TNFRSF19: variants seen among roughly 807,000 people sequenced by gnomAD.
TNFRSF19 encodes tumor necrosis factor receptor superfamily member 19.
In TNFRSF19, 27 loss-of-function variants were observed where a neutral mutation model predicts 46.4. That is an observed-to-expected ratio of 0.58 (90% CI 0.43 to 0.80). The LOEUF (loss-of-function observed/expected upper bound fraction) is 0.80, where lower values mean the gene tolerates loss of function less well. TNFRSF19 is among the 30% of genes least tolerant of loss of function. TNFRSF19 has a pLI of 0.00. For missense variants in TNFRSF19, 511 were observed against 530.8 expected (o/e 0.96, Z 0.37); for synonymous variants, 204 against 205.0 (o/e 1.00, Z 0.04).
At chr13:23,599,376 GT>G (rs968549471) in intron 3 of TNFRSF19, among the ~76,000 whole-genome samples, 3 of 152,212 alleles carry the variant, frequency 2.0e-5, no homozygotes, top group African/African-American at 2.4e-5. Flanking sequence ...CCAAAAATGT[GT>G]GACCAGTGGC....
chr13:23,572,207 CATT>C (rs1055168824), intron 1 of TNFRSF19, among the ~76,000 whole-genome samples: 1 of 152,070 alleles, frequency 6.6e-6, no homozygotes, highest in Non-Finnish European at 1.5e-5. Context: ...TAAAGTGTGT[CATT>C]AATAACTTAA....
chr13:23,667,855 T>C, intron 7 of TNFRSF19, 125 bp from the exon 8 acceptor site: 1 of 738,022 alleles, frequency 1.4e-6, no homozygotes. Flanking sequence ...AACCTTGTAT[T>C]CCTTTTCCCC....
At chr13:23,606,359 TAAA>T (rs10710338) in intron 3 of TNFRSF19, among the ~76,000 whole-genome samples, 10 of 151,466 alleles carry the variant, frequency 6.6e-5, no homozygotes, top group East Asian at 5.8e-4. Flanking sequence ...ATAATTTTTT[TAAA>T]AAAAAAGACC....
rs903521199 is a variant in TNFRSF19, at chr13:23,593,263, T to C, written c.70-82T>C. ...TTACATTCAGTGATTGTGTGACTAATATTGAAAATATTGTTCCTTTCTTGC... is the reference window on the plus strand; with the variant it reads ...TTACATTCAGTGATTGTGTGACTAACATTGAAAATATTGTTCCTTTCTTGC... On this transcript the variant is annotated intron_variant, in intron 2 of 9. Transcript: ENST00000248484. 15 of 727,406 alleles carry C rather than the reference T, an allele frequency of 2.1e-5. No homozygotes were observed. The Admixed American group carries it at 2.5e-4, about 12-fold the overall frequency. 45.1% of individuals were successfully genotyped at this position (727,406 alleles called of 1,614,324 possible).
At chr13:23,573,088 T>C (rs922147553) in intron 1 of TNFRSF19, among the ~76,000 whole-genome samples, 5 of 152,234 alleles carry the variant, frequency 3.3e-5, no homozygotes, top group African/African-American at 1.2e-4. Flanking sequence ...ACTGAGGCTA[T>C]AGAAAACGAA....
rs565768932 is a variant in TNFRSF19 at position 23,668,902 on chromosome 13, T to C, written c.1050T>C (p.Asn350=). Residue 350 remains asparagine (N), a synonymous_variant, in exon 9 of 10, where the codon AAT becomes AAC. Transcript: ENST00000248484. ...ELESSTSLDS[N]SSQDLVGGAV... ...AAAGCTCAACGTCTTTGGATTCAAA[T>C]AGCAGTCAAGATTTGGTTGGTGGGG... 6.2e-7 allele frequency: 1 copy of C among 1,614,262 alleles called. No individual in the cohort carries two copies. The highest frequency in any genetic ancestry group is 1.1e-5 in the South Asian group (1 of 91,090).
rs1951808554 is a variant in TNFRSF19 at position 23,674,968 on chromosome 13, C to T, written c.*1588C>T. ...TGCCTGTGTCTGGTACATCTCATGACCTCAATTCCCTCACCTGAAATAGGA... is the reference window on the plus strand; with the variant it reads ...TGCCTGTGTCTGGTACATCTCATGATCTCAATTCCCTCACCTGAAATAGGA... On this transcript the variant is annotated 3_prime_UTR_variant, in exon 10 of 10. Transcript: ENST00000248484. 6.6e-6 allele frequency: 1 copy of T among 152,130 alleles called. No homozygotes were observed. The highest frequency in any genetic ancestry group is 6.5e-5 in the Admixed American group (1 of 15,276). 9.4% of individuals were successfully genotyped at this position (152,130 alleles called of 1,614,324 possible). A position where few individuals can be genotyped will look rare whatever the true frequency, so the allele number is the denominator to read the frequency against.
chr13:23,583,922 A>G (rs1878639294), intron 1 of TNFRSF19, among the ~76,000 whole-genome samples: 1 of 152,226 alleles, frequency 6.6e-6, no homozygotes, highest in African/African-American at 2.4e-5. Context: ...CATTAGTTAC[A>G]GTATGCTTGT....
At chr13:23,582,333 G>C (rs918670746) in intron 1 of TNFRSF19, among the ~76,000 whole-genome samples, 1 of 151,828 alleles carries the variant, frequency 6.6e-6, no homozygotes, top group Non-Finnish European at 1.5e-5. Context: ...CCCGGGAGGC[G>C]GAGCTTGCAG....
intron 3 of TNFRSF19, among the ~76,000 whole-genome samples, chr13:23,598,018 G>T (rs1378003981): frequency 6.6e-6 from 1 of 152,162 alleles, no homozygotes; most frequent in Non-Finnish European, 1.5e-5. Context: ...CTCAGTAGAT[G>T]CAGAAAAGAC....
At position 23,659,522 on chromosome 13, in the gene TNFRSF19, T is replaced by G. The variant is rs190394310; in HGVS notation, c.610+308T>G. 1.3e-3 allele frequency among the ~76,000 whole-genome samples: 203 copies of G among 152,282 alleles called. 1 individual carries two copies. Among genetic ancestry groups the G allele is most frequent in the African/African-American group, 4.5e-3 (186 of 41,562 alleles). On this transcript the variant is annotated intron_variant, in intron 6 of 9. Coordinates refer to ENST00000248484, the MANE Select transcript of TNFRSF19 (RefSeq NM_148957.4). The surrounding 1 kb of genome is among the most constrained non-coding windows in gnomAD (Gnocchi z 4.9). The stretch of plus-strand genomic sequence containing the variant: ...TATGTTTCTTTGTTTTTTTGTTTTT[T>G]TGGAGACAGAGTCTGGCTCTGTCAC...
At position 23,668,724 on chromosome 13, in the gene TNFRSF19, C is replaced by G; in HGVS notation, c.872C>G (p.Thr291Ser). ...GGCCCAGCCGGGGAGATGGTGCCGA[C>G]TTTCTTCGGATCCCTCACGCAGTCC... ...NAGPAGEMVP[T>S]FFGSLTQSIC... Residue 291 changes from threonine to serine, a missense_variant, in exon 9 of 10, where the codon ACT becomes AGT. By Grantham distance (58) the Thr-to-Ser change is moderately conservative. Coordinates refer to ENST00000248484, the MANE Select transcript of TNFRSF19 (RefSeq NM_148957.4). The G allele has an allele frequency of 1.2e-6, 2 of 1,614,068 alleles. No homozygotes were observed. Among genetic ancestry groups the G allele is most frequent in the Non-Finnish European group, 1.7e-6 (2 of 1,179,930 alleles).
chr13:23,624,515 G>C (rs1452265166), intron 4 of TNFRSF19, among the ~76,000 whole-genome samples: 5 of 151,742 alleles, frequency 3.3e-5, no homozygotes, highest in African/African-American at 1.2e-4. Context: ...TGCAAATTTT[G>C]CTTCTACCAT....
chr13:23,628,941 T>C (rs913595320), intron 5 of TNFRSF19, among the ~76,000 whole-genome samples: 13 of 152,194 alleles, frequency 8.5e-5, no homozygotes, highest in African/African-American at 3.1e-4. Context: ...GCATGAGTCC[T>C]TATCTCTGTA....
intron 5 of TNFRSF19, among the ~76,000 whole-genome samples, chr13:23,635,739 G>A (rs1230763106): frequency 6.6e-6 from 1 of 152,150 alleles, no homozygotes; most frequent in Non-Finnish European, 1.5e-5. Flanking sequence ...AATATTTTAA[G>A]TATTCATGAG....
At chr13:23,617,905 G>C (rs1881411353) in intron 4 of TNFRSF19, among the ~76,000 whole-genome samples, 1 of 152,176 alleles carries the variant, frequency 6.6e-6, no homozygotes, top group Admixed American at 6.5e-5. Context: ...ACAGACAAAA[G>C]ACTCTAACTG....
chr13:23,604,479 G>A (rs1044381807), intron 3 of TNFRSF19, among the ~76,000 whole-genome samples: 1 of 152,106 alleles, frequency 6.6e-6, no homozygotes, highest in East Asian at 1.9e-4. Context: ...GTCCCAGCAA[G>A]TTATTTTGTA....
chr13:23,665,673 A>G (rs541817978), intron 7 of TNFRSF19, among the ~76,000 whole-genome samples: 2 of 152,274 alleles, frequency 1.3e-5, no homozygotes, highest in Admixed American at 6.5e-5. Context: ...AGTTGCAAAT[A>G]TGATGTCCCT....
intron 5 of TNFRSF19, among the ~76,000 whole-genome samples, chr13:23,637,302 T>C (rs1328300869): frequency 6.6e-6 from 1 of 152,236 alleles, no homozygotes; most frequent in African/African-American, 2.4e-5. Context: ...TCATGTAGGC[T>C]TCGCTGTGAA....
Sources: gnomAD v4.1 joint callset for allele counts (sites outside exome capture counted in the v4.1 genomes callset) on GRCh38, gnomAD v4.1.1 for gene constraint, Gnocchi (gnomAD v3.1) non-coding constraint, MANE v1.5 for transcripts, NCBI Gene and HGNC (gene_info 2026-07-23, HGNC 2026-07-21) for gene names.